Variants in JAK2 observed in about 807,000 individuals in gnomAD.
JAK2 encodes the protein Janus kinase 2, also known as tyrosine-protein kinase JAK2.
Under a neutral mutation model 139.3 loss-of-function variants are expected in JAK2, and 86 were observed. That is an observed-to-expected ratio of 0.62 (90% CI 0.52 to 0.74). The LOEUF is 0.74. Among genes scored for constraint, JAK2 ranks in the 30% least tolerant of loss-of-function variants. The pLI is 0.00. For missense variants in JAK2, 1,421 were observed against 1,360.3 expected, an observed-to-expected ratio of 1.04 and a Z score of -0.70; for synonymous variants, 490 against 437.7, an observed-to-expected ratio of 1.12 and a Z score of -1.49.
chr9:5,016,427 A>G (rs116096203), intron 2 of JAK2, among the ~76,000 whole-genome samples: 425 of 152,326 alleles, frequency 2.8e-3, no homozygotes, highest in African/African-American at 9.9e-3. Flanking sequence ...AGGTGAGGTG[A>G]GGAATGGTGC....
At chr9:5,120,190 A>G (rs1262337794) in intron 22 of JAK2, among the ~76,000 whole-genome samples, 2 of 152,352 alleles carry the variant, frequency 1.3e-5, no homozygotes, top group African/African-American at 4.8e-5. Context: ...ATGTCCTCAC[A>G]TGGACAAAAG....
rs532257389 is a variant in JAK2, at chr9:5,114,535, A to G, written c.3060-8469A>G. The stretch of plus-strand genomic sequence containing the variant: ...GCAACGCTAGAAGAGCCGAGGAACC[A>G]GGACAAGCGCACCCTCACCTGCCTG... On this transcript the variant is annotated intron_variant, in intron 22 of 24. Coordinates refer to ENST00000381652, the MANE Select transcript of JAK2 (RefSeq NM_004972.4). The G allele has an allele frequency of 3.2e-5, 15 of 471,094 alleles. No individual in the cohort carries two copies. The Admixed American group carries it at 3.6e-4, about 11-fold the overall frequency. The allele number at this position is 471,094 out of a possible 1,614,324, so 29.2% of individuals were successfully genotyped here.
chr9:5,112,766 C>A, intron 22 of JAK2: 2 of 621,082 alleles, frequency 3.2e-6, no homozygotes, highest in Non-Finnish European at 2.5e-6. Context: ...GAAGGTGTCG[C>A]GCGTGTTCGG....
intron 2 of JAK2, among the ~76,000 whole-genome samples, chr9:4,990,968 C>G (rs1050644239): frequency 1.3e-5 from 2 of 152,104 alleles, no homozygotes; most frequent in Non-Finnish European, 2.9e-5. Context: ...TCGTCTGTAT[C>G]GTCTTATATA....
chr9:5,007,691 C>G (rs1343538039), intron 2 of JAK2, among the ~76,000 whole-genome samples: 1 of 151,122 alleles, frequency 6.6e-6, no homozygotes, highest in Non-Finnish European at 1.5e-5. Flanking sequence ...TTGCACCAGT[C>G]TAATAATGAG....
chr9:5,088,910 T>C (rs1243125088), intron 19 of JAK2, among the ~76,000 whole-genome samples: 1 of 152,212 alleles, frequency 6.6e-6, no homozygotes, highest in Non-Finnish European at 1.5e-5. Context: ...ATATTGGGGG[T>C]TAAGGCTTCA....
chr9:5,124,356 A>C (rs1823839002), intron 23 of JAK2, among the ~76,000 whole-genome samples: 1 of 151,442 alleles, frequency 6.6e-6, no homozygotes, highest in Non-Finnish European at 1.5e-5. Context: ...CTTACATTTA[A>C]GTCTGTAATC....
intron 22 of JAK2, chr9:5,091,508 G>A (rs1354081182): frequency 6.6e-6 from 1 of 152,106 alleles, no homozygotes; most frequent in African/African-American, 2.4e-5. Context: ...GGATTTTGTA[G>A]GTGCAGCTGC....
At chr9:5,048,544 A>G (rs931650576) in intron 5 of JAK2, among the ~76,000 whole-genome samples, 2 of 152,146 alleles carry the variant, frequency 1.3e-5, no homozygotes, top group African/African-American at 4.8e-5. Flanking sequence ...CCTGTTCTCA[A>G]AAGTGTGGTG....
At chr9:5,009,385 G>T (rs1045660717) in intron 2 of JAK2, among the ~76,000 whole-genome samples, 2 of 152,112 alleles carry the variant, frequency 1.3e-5, no homozygotes, top group African/African-American at 4.8e-5. Context: ...CCAGGATAGA[G>T]CAGCACAGGA....
intron 4 of JAK2, among the ~76,000 whole-genome samples, chr9:5,038,963 A>T (rs1263855533): frequency 1.3e-5 from 2 of 152,154 alleles, no homozygotes; most frequent in Non-Finnish European, 2.9e-5. Context: ...GCATCCCATC[A>T]TTATAAAAAA....
intron 6 of JAK2, among the ~76,000 whole-genome samples, chr9:5,051,381 T>G (rs1265829005): frequency 6.6e-6 from 1 of 152,170 alleles, no homozygotes; most frequent in Non-Finnish European, 1.5e-5. Context: ...ATGACCTGAA[T>G]AAGTATTTCC....
intron 2 of JAK2, among the ~76,000 whole-genome samples, chr9:4,999,721 T>G (rs1270156138): frequency 1.3e-5 from 2 of 152,234 alleles, no homozygotes; most frequent in African/African-American, 4.8e-5. Flanking sequence ...AGTGCTAGGA[T>G]TACAGGCGTG....
At chr9:5,028,666 A>AACTTGCTGCATCCTCTCCATCAAC (rs1270241441) in intron 3 of JAK2, among the ~76,000 whole-genome samples, 3 of 152,212 alleles carry the variant, frequency 2.0e-5, no homozygotes, top group Non-Finnish European at 2.9e-5. Flanking sequence ...ATCTTTGGAT[A>AACTTGCTGCATCCTCTCCATCAAC]ACTTGCTGCA....
chr9:4,987,968 G>A (rs1375673885), intron 2 of JAK2, among the ~76,000 whole-genome samples: 1 of 152,138 alleles, frequency 6.6e-6, no homozygotes, highest in Non-Finnish European at 1.5e-5. Flanking sequence ...CTCCTTTCTA[G>A]TATAAAGAGA....
intron 10 of JAK2, among the ~76,000 whole-genome samples, chr9:5,067,898 A>C (rs377292426): frequency 2.6e-5 from 4 of 152,292 alleles, no homozygotes; most frequent in Non-Finnish European, 4.4e-5. Context: ...TCACACCTGT[A>C]ATACCAGCAC....
intron 2 of JAK2, among the ~76,000 whole-genome samples, chr9:5,002,675 T>A (rs1054155068): frequency 6.6e-6 from 1 of 152,028 alleles, no homozygotes; most frequent in Admixed American, 6.6e-5. Flanking sequence ...TCATTATTTT[T>A]ACTGATTAAA....
chr9:5,041,758 A>G, intron 4 of JAK2: 1 of 489,824 alleles, frequency 2.0e-6, no homozygotes. Flanking sequence ...AGCAGTGTCC[A>G]CACCGACCTG....
chr9:5,109,725 A>G (rs1368229772), intron 22 of JAK2: 1 of 152,180 alleles, frequency 6.6e-6, no homozygotes, highest in Non-Finnish European at 1.5e-5. Context: ...ACTAAGCTTT[A>G]GACTACTTCT....
Sources: gnomAD v4.1 joint callset for allele counts (sites outside exome capture counted in the v4.1 genomes callset) on GRCh38, gnomAD v4.1.1 for gene constraint, MANE v1.5 for transcripts, NCBI Gene and HGNC (gene_info 2026-07-23, HGNC 2026-07-21) for gene names.